Variants in FAM168A observed in about 807,000 individuals in gnomAD.
FAM168A encodes the protein protein FAM168A.
Under a neutral mutation model 28.5 loss-of-function variants are expected in FAM168A, and 3 were observed. The ratio of observed to expected loss-of-function variants is 0.11; its 90% confidence interval spans 0.05 to 0.27. The LOEUF is 0.27. Ranked by LOEUF, FAM168A falls within the 10% of genes least tolerant of loss-of-function variation. FAM168A has a pLI of 1.00. For synonymous variants in FAM168A, 122 were observed against 124.2 expected (o/e 0.98, Z 0.12); for missense variants, 222 against 311.5 (o/e 0.71, Z 2.16).
intron 1 of FAM168A, among the ~76,000 whole-genome samples, chr11:73,480,970 T>G (rs192985055): frequency 1.1e-4 from 17 of 152,346 alleles, no homozygotes; most frequent in Admixed American, 1.0e-3. Flanking sequence ...CATACTCTCT[T>G]GTCTCTGAGT....
chr11:73,489,264 A>G (rs901532423), intron 1 of FAM168A, among the ~76,000 whole-genome samples: 7 of 152,088 alleles, frequency 4.6e-5, no homozygotes, highest in African/African-American at 1.7e-4. Context: ...ACCCTCCTGT[A>G]TTGAGAATTC....
intron 2 of FAM168A, among the ~76,000 whole-genome samples, chr11:73,463,118 G>A (rs1033683640): frequency 7.9e-5 from 12 of 151,628 alleles, no homozygotes; most frequent in African/African-American, 1.7e-4. Flanking sequence ...ACAGGTGTGC[G>A]CCACCACATC....
intron 1 of FAM168A, among the ~76,000 whole-genome samples, chr11:73,481,631 T>C (rs911642822): frequency 2.6e-5 from 4 of 152,180 alleles, no homozygotes; most frequent in Non-Finnish European, 4.4e-5. Flanking sequence ...AAGCTAAATT[T>C]TTATCTCCTT....
intron 1 of FAM168A, among the ~76,000 whole-genome samples, chr11:73,571,702 G>A (rs1374985899): frequency 1.1e-4 from 16 of 150,778 alleles, no homozygotes; most frequent in African/African-American, 2.9e-4. Context: ...CTGCCTGGCC[G>A]CCCATCGTCT....
chr11:73,504,180 T>C (rs1353621983), intron 1 of FAM168A, among the ~76,000 whole-genome samples: 1 of 152,202 alleles, frequency 6.6e-6, no homozygotes, highest in Non-Finnish European at 1.5e-5. Context: ...AAAGAGCTTC[T>C]GCACAGCAAA....
chr11:73,576,644 GC>G (rs1004658044), intron 1 of FAM168A, among the ~76,000 whole-genome samples: 1 of 152,070 alleles, frequency 6.6e-6, no homozygotes, highest in African/African-American at 2.4e-5. Context: ...TTTTCTACAT[GC>G]CCCCCAACTC....
intron 1 of FAM168A, among the ~76,000 whole-genome samples, chr11:73,576,334 G>A: frequency 6.6e-6 from 1 of 152,216 alleles, no homozygotes; most frequent in East Asian, 1.9e-4. Flanking sequence ...TTCACAACAG[G>A]AGACCTGAGA....
At chr11:73,413,328 T>C (rs1239848351) in intron 4 of FAM168A, among the ~76,000 whole-genome samples, 1 of 152,182 alleles carries the variant, frequency 6.6e-6, no homozygotes, top group Non-Finnish European at 1.5e-5. Context: ...ACAATGAGGA[T>C]AGAATGGAAA....
At position 73,419,965 on chromosome 11, in the gene FAM168A, G is replaced by A. The variant is rs1454444282; in HGVS notation, c.186C>T (p.Asn62=). 2.2e-5 allele frequency: 36 copies of A among 1,613,866 alleles called. No individual in the cohort carries two copies. The highest frequency in any genetic ancestry group is 3.1e-5 in the Non-Finnish European group (36 of 1,179,904). Residue 62 remains asparagine (N), a synonymous_variant, in exon 4 of 8, where the codon AAC becomes AAT. Coordinates refer to ENST00000356467, the MANE Select transcript of FAM168A (RefSeq NM_015159.3). ...TGCCTTCAGTGCCACAGGAAGACGA[G>A]TTCTGTGGCCAGGCCTGTTTCATCA... The part of the protein sequence containing the change: ...TLLMKQAWPQ[N]SSSCGTEGTF...
chr11:73,407,735 C>A, intron 6 of FAM168A, 92 bp from the exon 7 acceptor site: 1 of 1,042,178 alleles, frequency 9.6e-7, no homozygotes, highest in South Asian at 1.5e-5. Flanking sequence ...CATGGCTGCT[C>A]CCTCTGCCCA....
At chr11:73,416,516 C>A (rs554821929) in intron 4 of FAM168A, among the ~76,000 whole-genome samples, 2 of 152,300 alleles carry the variant, frequency 1.3e-5, no homozygotes, top group Admixed American at 6.5e-5. Flanking sequence ...TACAAACAGG[C>A]TTAGCAAGTA....
At chr11:73,500,257 T>C (rs1170720129) in intron 1 of FAM168A, among the ~76,000 whole-genome samples, 2 of 73,870 alleles carry the variant, frequency 2.7e-5, no homozygotes, top group African/African-American at 6.6e-5. Context: ...CCAGAATTCC[T>C]TTTTTTTTTT....
intron 2 of FAM168A, among the ~76,000 whole-genome samples, chr11:73,432,974 G>A (rs1867022073): frequency 6.6e-6 from 1 of 151,782 alleles, no homozygotes; most frequent in Non-Finnish European, 1.5e-5. Context: ...TATAATGGCA[G>A]GATCATAGCT....
chr11:73,537,572 A>G (rs1430263140), intron 1 of FAM168A, among the ~76,000 whole-genome samples: 2 of 152,080 alleles, frequency 1.3e-5, no homozygotes, highest in Admixed American at 1.3e-4. Flanking sequence ...CATACTTACA[A>G]ACTCCAGGTT....
At chr11:73,579,579 C>G (rs2134732538) in intron 1 of FAM168A, among the ~76,000 whole-genome samples, 1 of 152,128 alleles carries the variant, frequency 6.6e-6, no homozygotes, top group East Asian at 1.9e-4. Context: ...ACAGAATTCC[C>G]CCCACCCACC....
chr11:73,526,922 T>G (rs1943454636), intron 1 of FAM168A, among the ~76,000 whole-genome samples: 1 of 143,804 alleles, frequency 7.0e-6, no homozygotes, highest in Admixed American at 6.9e-5. Context: ...ACTGAAACAG[T>G]TGGAATTCAA....
chr11:73,459,627 A>C (rs1165053879), intron 2 of FAM168A, among the ~76,000 whole-genome samples: 1 of 152,228 alleles, frequency 6.6e-6, no homozygotes, highest in East Asian at 1.9e-4. Context: ...CCTAAGGCTG[A>C]CTACATAGGT....
intron 1 of FAM168A, among the ~76,000 whole-genome samples, chr11:73,492,383 A>G (rs980853581): frequency 1.3e-5 from 2 of 152,246 alleles, no homozygotes; most frequent in East Asian, 3.8e-4. Flanking sequence ...ATGGTGGTTT[A>G]TGCCTATAAT....
intron 4 of FAM168A, chr11:73,412,292 G>T (rs1361634790): frequency 1.3e-5 from 2 of 152,134 alleles, no homozygotes; most frequent in African/African-American, 4.8e-5. Flanking sequence ...GGCCACCTCT[G>T]CCTGAAAATA....
Sources: gnomAD v4.1 joint callset for allele counts (sites outside exome capture counted in the v4.1 genomes callset) on GRCh38, gnomAD v4.1.1 for gene constraint, MANE v1.5 for transcripts, NCBI Gene and HGNC (gene_info 2026-07-23, HGNC 2026-07-21) for gene names.